MYH10: variants seen among roughly 807,000 people sequenced by gnomAD.
MYH10 encodes myosin-10.
MYH10 carries 55 observed loss-of-function variants against 257.8 expected under a neutral mutation model. The ratio of observed to expected loss-of-function variants is 0.21; its 90% confidence interval spans 0.17 to 0.27. MYH10 has a LOEUF of 0.27. Among genes scored for constraint, MYH10 ranks in the 10% least tolerant of loss-of-function variants. The pLI is 1.00. For missense variants in MYH10, 1,631 were observed against 2,500.6 expected (o/e 0.65, Z 7.42); for synonymous variants, 854 against 921.7 (o/e 0.93, Z 1.33).
Position 8,542,110 on chromosome 17 carries a change from TC to T in MYH10, c.1601del (p.Arg534AsnfsTer46). 6.2e-7 allele frequency: 1 copy of T among 1,612,480 alleles called. No individual in the cohort carries two copies. On this transcript the variant is annotated frameshift_variant, in exon 14 of 43. Transcript: ENST00000360416. LOFTEE classifies it high-confidence loss of function. Reference protein sequence around the residue: ...DLQPCIDLIERPANPPGVLAL... With the variant: ...DLQPCIDLIEXPANPPGVLAL... ...GCGAGCAAGTGAGCACTCTTACAGG[TC>T]TCTCTATTAGGTCGATGCATGGCTG... is the stretch of plus-strand genomic sequence containing the variant.
chr17:8,499,139 T>C, intron 30 of MYH10, 131 bp downstream of exon 30: 1 of 773,530 alleles, frequency 1.3e-6, no homozygotes, highest in Non-Finnish European at 2.1e-6. Context: ...ACTCGATGTA[T>C]TTACTGGATA....
chr17:8,576,261 A>G (rs1030187206), intron 6 of MYH10, among the ~76,000 whole-genome samples: 1 of 152,214 alleles, frequency 6.6e-6, no homozygotes, highest in Admixed American at 6.5e-5. Flanking sequence ...TAAAGGTATA[A>G]TTTTTAAAGG....
chr17:8,489,539 A>G (rs1361712612), intron 35 of MYH10, among the ~76,000 whole-genome samples: 2 of 152,178 alleles, frequency 1.3e-5, no homozygotes, highest in Admixed American at 6.5e-5. Context: ...TCCCGTCTCT[A>G]CTAAAAATAC....
At chr17:8,516,957 C>T (rs374764197) in intron 21 of MYH10, among the ~76,000 whole-genome samples, 23 of 151,890 alleles carry the variant, frequency 1.5e-4, no homozygotes, top group South Asian at 4.2e-4. Flanking sequence ...GCTAACACGG[C>T]GAAACCCCAT....
intron 40 of MYH10, 122 bp downstream of exon 40, chr17:8,479,988 A>T (rs1162985444): frequency 1.1e-6 from 1 of 897,468 alleles, no homozygotes; most frequent in Non-Finnish European, 1.7e-6. Context: ...TCTGTGTCCC[A>T]CTCTGGTTAT....
At chr17:8,628,406 C>T (rs2085763191) in intron 1 of MYH10, among the ~76,000 whole-genome samples, 1 of 152,142 alleles carries the variant, frequency 6.6e-6, no homozygotes, top group Non-Finnish European at 1.5e-5. Context: ...CAAATCCCTC[C>T]CAGCACCTAC....
intron 7 of MYH10, among the ~76,000 whole-genome samples, chr17:8,561,990 T>C (rs1444997092): frequency 6.6e-6 from 1 of 152,234 alleles, no homozygotes; most frequent in East Asian, 1.9e-4. Flanking sequence ...TCTGAAAATA[T>C]ATTTGGTAAC....
chr17:8,563,125 A>G (rs2083051619), intron 7 of MYH10, among the ~76,000 whole-genome samples: 1 of 152,148 alleles, frequency 6.6e-6, no homozygotes, highest in Non-Finnish European at 1.5e-5. Context: ...ATAGGGTGCT[A>G]TGCATGTGTG....
intron 31 of MYH10, among the ~76,000 whole-genome samples, chr17:8,494,898 G>T (rs1238155779): frequency 1.3e-5 from 2 of 152,230 alleles, no homozygotes; most frequent in Non-Finnish European, 2.9e-5. Flanking sequence ...AATGGCAGCT[G>T]GAGCTGTCTC....
At chr17:8,489,858 C>G (rs962791506) in intron 35 of MYH10, among the ~76,000 whole-genome samples, 9 of 152,154 alleles carry the variant, frequency 5.9e-5, no homozygotes, top group Non-Finnish European at 1.0e-4. Flanking sequence ...AGAAAAGTGT[C>G]TAATATACAT....
intron 27 of MYH10, among the ~76,000 whole-genome samples, chr17:8,505,324 C>G (rs1310155396): frequency 2.0e-4 from 31 of 152,228 alleles, no homozygotes; most frequent in Admixed American, 2.0e-3. Flanking sequence ...CAGGGATGCT[C>G]AAAGAACACA....
At chr17:8,627,204 T>C (rs1041949263) in intron 1 of MYH10, among the ~76,000 whole-genome samples, 1 of 152,186 alleles carries the variant, frequency 6.6e-6, no homozygotes, top group Non-Finnish European at 1.5e-5. Flanking sequence ...CCAATGACTT[T>C]CACCTTTTCA....
rs1429101111 is a variant in MYH10 at position 8,512,642 on chromosome 17, T to G, written c.2761A>C (p.Asn921His). ...GCTTGTAGTTGTTCTGCAAGGATAT[T>G]CTTCTCTTCTAAAAGCTGCAATCAC... ...RKHQQLLEEKNILAEQLQAET... is the reference protein window; with the variant it reads ...RKHQQLLEEKHILAEQLQAET... The change falls in exon 24 of 43, where the codon AAT becomes CAT. Residue 921 changes from asparagine (N) to histidine (H), a missense_variant. Physicochemically the swap from Asn to His is moderately conservative, Grantham distance 68. Coordinates refer to ENST00000360416, the MANE Select transcript of MYH10 (RefSeq NM_001256012.3). 2 of 1,612,164 alleles carry G rather than the reference T, an allele frequency of 1.2e-6. No individual in the cohort carries two copies. Among genetic ancestry groups the G allele is most frequent in the Admixed American group, 3.3e-5 (2 of 59,888 alleles).
rs2081068302 is a variant in MYH10 at position 8,506,119 on chromosome 17, T to C, written c.3386+199A>G. 3 of 482,686 alleles carry C rather than the reference T, an allele frequency of 6.2e-6. No homozygotes were observed. Among genetic ancestry groups the C allele is most frequent in the Non-Finnish European group, 1.1e-5 (3 of 280,096 alleles). 29.9% of individuals were successfully genotyped at this position (482,686 alleles called of 1,614,324 possible). On this transcript the variant is annotated intron_variant, in intron 27 of 42. Transcript: ENST00000360416. The surrounding 1 kb of genome is among the most constrained non-coding windows in gnomAD (Gnocchi z 5.0). ...AATTTGTCATTTTAAAGTATAAATA[T>C]TGAGATGGTTTATGAGACTTTCTTG...
Position 8,577,342 on chromosome 17 carries a change from AAAG to A in MYH10, c.531-7_531-5del, listed in dbSNP as rs1327902989. The A allele has an allele frequency of 1.2e-6, 2 of 1,603,826 alleles. No homozygotes were observed. Among genetic ancestry groups the A allele is most frequent in the Non-Finnish European group, 1.7e-6 (2 of 1,173,038 alleles). On this transcript the variant is annotated splice_polypyrimidine_tract_variant and splice_region_variant and intron_variant, in intron 4 of 42. Transcript: ENST00000360416. ...CTTCCCAGCACCTGACTCACCCCTG[AAAG>A]AAAGAGTTAATATAGGCTGCTTTAA...
intron 6 of MYH10, among the ~76,000 whole-genome samples, chr17:8,570,781 A>G (rs1467099966): frequency 6.6e-6 from 1 of 152,204 alleles, no homozygotes; most frequent in African/African-American, 2.4e-5. Context: ...GGCATTTGGT[A>G]TGTGATGCAC....
At chr17:8,493,617 T>G (rs1916107989) in intron 32 of MYH10, 116 bp downstream of exon 32, 3 of 1,233,832 alleles carry the variant, frequency 2.4e-6, no homozygotes, top group African/African-American at 3.0e-5. Context: ...TGGGCTTAAT[T>G]TAGTACGACC....
At chr17:8,519,985 A>T (rs2081597986) in intron 19 of MYH10, among the ~76,000 whole-genome samples, 1 of 151,328 alleles carries the variant, frequency 6.6e-6, no homozygotes, top group Admixed American at 6.5e-5. Context: ...TATGTTAGCT[A>T]AAAGACTGTA....
In MYH10 at chr17:8,513,870, T is replaced by G; in HGVS notation, c.2529A>C (p.Gln843His). The G allele has an allele frequency of 6.2e-7, 1 of 1,614,150 alleles. No homozygotes were observed. Among genetic ancestry groups the G allele is most frequent in the South Asian group, 1.1e-5 (1 of 91,082 alleles). The stretch of plus-strand genomic sequence containing the variant: ...GCTGCAAGACCTTTAAGGCACTTAG[T>G]TGCTGCTGCTTCTTGGCAAAGGCCC... ...ARKAFAKKQQ[Q>H]LSALKVLQRN... Residue 843 changes from glutamine to histidine, a missense_variant, in exon 22 of 43, where the codon CAA becomes CAC. This residue lies in a region of MYH10 where 116 missense variants were observed against 221.6 expected (regional missense o/e 0.52). Coordinates refer to ENST00000360416, the MANE Select transcript of MYH10 (RefSeq NM_001256012.3).
Sources: allele counts gnomAD v4.1 joint callset (sites outside exome capture counted in the v4.1 genomes callset), GRCh38; gene constraint gnomAD v4.1.1; regional missense constraint gnomAD v4.1.1; non-coding constraint Gnocchi (gnomAD v3.1); transcripts MANE v1.5; gene names NCBI Gene and HGNC (gene_info 2026-07-23, HGNC 2026-07-21).